VWC2L: variants seen among roughly 807,000 people sequenced by gnomAD.
VWC2L encodes von Willebrand factor C domain-containing protein 2-like.
VWC2L carries 10 observed loss-of-function variants against 21.6 expected under a neutral mutation model. That is an observed-to-expected ratio of 0.46 (90% confidence interval 0.29 to 0.78). VWC2L has a LOEUF of 0.78. VWC2L is among the 30% of genes least tolerant of loss of function. VWC2L has a pLI of 0.10. For synonymous variants in VWC2L, 96 were observed against 94.3 expected, an observed-to-expected ratio of 1.02 and a Z score of -0.10; for missense variants, 209 against 277.1, an observed-to-expected ratio of 0.75 and a Z score of 1.74.
At chr2:214,536,703 T>C (rs900004155) in intron 3 of VWC2L, 22 of 152,156 alleles carry the variant, frequency 1.4e-4, no homozygotes, top group African/African-American at 5.1e-4. Flanking sequence ...TTTCTAAAAA[T>C]GTATATCTAA....
chr2:214,509,947 T>A (rs1344731310), intron 3 of VWC2L, among the ~76,000 whole-genome samples: 2 of 152,212 alleles, frequency 1.3e-5, no homozygotes, highest in Non-Finnish European at 2.9e-5. Context: ...AAGTTAGATG[T>A]TTTTGCAAGT....
In VWC2L at chr2:214,575,948, AG is replaced by A. The variant is rs1690223413; in HGVS notation, c.*131del. On this transcript the variant is annotated 3_prime_UTR_variant, in exon 4 of 4. Coordinates refer to ENST00000312504, the MANE Select transcript of VWC2L (RefSeq NM_001080500.4). ...AACAGGGTCACCAGCAAAACTTTCT[AG>A]GGTTGACAAAAGTGAATATTTTCCT... 1.8e-6 allele frequency: 2 copies of A among 1,090,908 alleles called. No homozygotes were observed. The highest frequency in any genetic ancestry group is 5.0e-5 in the East Asian group (2 of 40,282). The allele number at this position is 1,090,908 out of a possible 1,614,324, so 67.6% of individuals were successfully genotyped here. A position where few individuals can be genotyped will look rare whatever the true frequency, so the allele number is the denominator to read the frequency against.
chr2:214,468,665 C>T (rs1418385579), intron 3 of VWC2L, among the ~76,000 whole-genome samples: 1 of 151,942 alleles, frequency 6.6e-6, no homozygotes, highest in Non-Finnish European at 1.5e-5. Flanking sequence ...TTAACTTTAT[C>T]ACTCAGTTTC....
At chr2:214,537,287 T>A (rs189638259) in intron 3 of VWC2L, among the ~76,000 whole-genome samples, 28 of 152,180 alleles carry the variant, frequency 1.8e-4, no homozygotes. Flanking sequence ...ATATACCACA[T>A]TTTCTCGATC....
chr2:214,529,523 C>T (rs1010197136), intron 3 of VWC2L, among the ~76,000 whole-genome samples: 5 of 152,230 alleles, frequency 3.3e-5, no homozygotes, highest in Middle Eastern at 6.8e-3. Context: ...TTTCTTCTTA[C>T]AAGCACTCAA....
chr2:214,527,733 T>A (rs1352294697), intron 3 of VWC2L, among the ~76,000 whole-genome samples: 1 of 152,192 alleles, frequency 6.6e-6, no homozygotes, highest in Non-Finnish European at 1.5e-5. Flanking sequence ...CCTCTCCCTG[T>A]TTATTGTCTA....
chr2:214,526,884 C>T (rs1689347589), intron 3 of VWC2L, among the ~76,000 whole-genome samples: 1 of 152,152 alleles, frequency 6.6e-6, no homozygotes, highest in Non-Finnish European at 1.5e-5. Flanking sequence ...ATAAATTGTT[C>T]TACCAAGAAG....
intron 3 of VWC2L, among the ~76,000 whole-genome samples, chr2:214,506,485 A>G (rs1286012824): frequency 6.6e-6 from 1 of 152,158 alleles, no homozygotes; most frequent in Non-Finnish European, 1.5e-5. Context: ...TGAAGATACT[A>G]TGGTTTCTGT....
intron 3 of VWC2L, among the ~76,000 whole-genome samples, chr2:214,567,571 C>CAGAGAG (rs1559333772): frequency 4.2e-5 from 6 of 141,288 alleles, no homozygotes; most frequent in African/African-American, 1.1e-4. Context: ...CACACACACA[C>CAGAGAG]ACACACACAC....
chr2:214,512,683 G>A (rs552303511), intron 3 of VWC2L, among the ~76,000 whole-genome samples: 1 of 152,236 alleles, frequency 6.6e-6, no homozygotes, highest in East Asian at 1.9e-4. Flanking sequence ...AGAGTAGGTG[G>A]ATGAATTTCA....
intron 3 of VWC2L, among the ~76,000 whole-genome samples, chr2:214,531,910 A>G (rs962468185): frequency 3.3e-5 from 5 of 152,144 alleles, no homozygotes; most frequent in African/African-American, 1.2e-4. Flanking sequence ...ACATGCACTA[A>G]TGATATAGTT....
chr2:214,436,826 A>G, intron 3 of VWC2L, 68 bp downstream of exon 3: 2 of 1,578,364 alleles, frequency 1.3e-6, no homozygotes, highest in East Asian at 4.5e-5. Context: ...ACTACTGCAT[A>G]CCATTCAATG....
rs1430222781 is a variant in VWC2L at position 214,436,646 on chromosome 2, G to T, written c.408G>T (p.Trp136Cys). Residue 136 changes from tryptophan (W) to cysteine (C), a missense_variant, in exon 3 of 4, where the codon TGG becomes TGT. Trp to Cys is a radical substitution (Grantham distance 215). Transcript: ENST00000312504. ...LEEFKPSPCE[W>C]CRCEPSNEVH... ...GTTCCTAGCCCTCTCCATGTGAATG[G>T]TGTCGCTGTGAGCCCAGCAATGAAG... The T allele has an allele frequency of 6.2e-7, 1 of 1,613,186 alleles. No homozygotes were observed. The highest frequency in any genetic ancestry group is 8.5e-7 in the Non-Finnish European group (1 of 1,179,394).
chr2:214,442,310 A>G (rs1408346347), intron 3 of VWC2L, among the ~76,000 whole-genome samples: 2 of 152,218 alleles, frequency 1.3e-5, no homozygotes, highest in Non-Finnish European at 2.9e-5. Context: ...TTTAGGCAGA[A>G]GTGAGAAGGT....
At chr2:214,430,381 G>T (rs1033955588) in intron 2 of VWC2L, among the ~76,000 whole-genome samples, 3 of 152,030 alleles carry the variant, frequency 2.0e-5, no homozygotes, top group Admixed American at 2.0e-4. Flanking sequence ...TACAGAAAAG[G>T]TATTTGTTTT....
chr2:214,565,108 C>T (rs1403663945), intron 3 of VWC2L, among the ~76,000 whole-genome samples: 1 of 151,868 alleles, frequency 6.6e-6, no homozygotes, highest in Non-Finnish European at 1.5e-5. Flanking sequence ...GGAAGTTGTA[C>T]TTCATTCTTT....
chr2:214,484,403 T>A (rs1688648121), intron 3 of VWC2L, among the ~76,000 whole-genome samples: 1 of 152,174 alleles, frequency 6.6e-6, no homozygotes, highest in Admixed American at 6.6e-5. Flanking sequence ...GTACCTTGCC[T>A]TAAAAGGAAG....
intron 3 of VWC2L, among the ~76,000 whole-genome samples, chr2:214,559,775 TA>T (rs1240229903): frequency 6.6e-6 from 1 of 152,228 alleles, no homozygotes; most frequent in African/African-American, 2.4e-5. Context: ...CTAATTTTTT[TA>T]AAAATTGTAG....
chr2:214,505,333 C>A (rs1026784140), intron 3 of VWC2L, among the ~76,000 whole-genome samples: 1 of 152,140 alleles, frequency 6.6e-6, no homozygotes, highest in Non-Finnish European at 1.5e-5. Context: ...GGTACATAAA[C>A]CTCCATGGAG....
Sources: gnomAD v4.1 joint callset for allele counts (sites outside exome capture counted in the v4.1 genomes callset) on GRCh38, gnomAD v4.1.1 for gene constraint, MANE v1.5 for transcripts, NCBI Gene and HGNC (gene_info 2026-07-23, HGNC 2026-07-21) for gene names.